Variants in MAGEB1 observed in about 807,000 individuals in gnomAD.
MAGEB1 encodes the protein melanoma-associated antigen B1.
For synonymous variants in MAGEB1, 99 were observed against 105.7 expected (o/e 0.94, Z 0.39); for missense variants, 290 against 286.7 (o/e 1.01, Z -0.08).
Position 30,251,240 on chromosome X carries a change from G to C in MAGEB1, c.747G>C (p.Leu249=). 1 of 1,212,144 alleles carries C rather than the reference G, an allele frequency of 8.2e-7. No individual in the cohort carries two copies. The highest frequency in any genetic ancestry group is 1.1e-6 in the Non-Finnish European group (1 of 895,578). ...CCCGTAAGTTCATCACCCAAGATCT[G>C]GTGCAGGAAAAATATCTGAAGTACG... ...GEPRKFITQD[L]VQEKYLKYEQ... Residue 249 remains leucine (L), a synonymous_variant, in exon 2 of 2, where the codon CTG becomes CTC. Transcript: ENST00000397548.
rs1254895035 is a variant in MAGEB1 at position 30,250,848 on chromosome X, A to G, written c.355A>G (p.Ile119Val). The change falls in exon 2 of 2, where the codon ATT (isoleucine) becomes GTT (valine). Residue 119 changes from isoleucine to valine, a missense_variant. Ile to Val is a conservative substitution (Grantham distance 29). Transcript: ENST00000397548. Reference protein sequence around the residue: ...AWEAGMLMHFILRKYKMREPI... With the variant: ...AWEAGMLMHFVLRKYKMREPI... ...GGAGGCAGGAATGCTGATGCACTTC[A>G]TTCTACGTAAGTATAAAATGAGAGA... is the stretch of plus-strand genomic sequence containing the variant. The G allele has an allele frequency of 8.3e-7, 1 of 1,211,930 alleles. No homozygotes were observed. Among genetic ancestry groups the G allele is most frequent in the South Asian group, 1.8e-5 (1 of 56,953 alleles).
chrX:30,246,134 C>T (rs1925297831), upstream of MAGEB1, among the ~76,000 whole-genome samples: 1 of 111,930 alleles, frequency 8.9e-6, no homozygotes, highest in East Asian at 2.8e-4. Context: ...AAGGGTTCAT[C>T]CAGACCCTCA....
In MAGEB1 at chrX:30,250,445, C is replaced by T; in HGVS notation, c.-49C>T. ...TCTCTCTCCTTCAGGTGCCACATCT[C>T]CTGCCTTTCTGCTCACTTTCCTGCC... On this transcript the variant is annotated 5_prime_UTR_variant, in exon 2 of 2. Transcript: ENST00000397548. 9.5e-7 allele frequency: 1 copy of T among 1,054,619 alleles called. No individual in the cohort carries two copies. Among genetic ancestry groups the T allele is most frequent in the South Asian group, 2.3e-5 (1 of 43,281 alleles). The allele number at this position is 1,054,619 out of a possible 1,213,427, so 86.9% of individuals were successfully genotyped here.
upstream of MAGEB1, among the ~76,000 whole-genome samples, chrX:30,244,948 T>C (rs1379753487): frequency 1.8e-5 from 2 of 112,376 alleles, no homozygotes; most frequent in Non-Finnish European, 3.8e-5. Flanking sequence ...GCCACTGGGC[T>C]AATACTCTGC....
upstream of MAGEB1, chrX:30,246,148 G>A (rs1925298085): frequency 8.9e-6 from 1 of 112,016 alleles, no homozygotes; most frequent in Non-Finnish European, 1.9e-5. Context: ...ACCCTCAGGA[G>A]AGTGACCTCA....
upstream of MAGEB1, among the ~76,000 whole-genome samples, chrX:30,244,637 A>AT (rs1925250814): frequency 8.9e-6 from 1 of 112,069 alleles, no homozygotes; most frequent in Middle Eastern, 4.2e-3. Context: ...ATAGGAGGTA[A>AT]TTTTATGTCC....
chrX:30,248,604 A>G (rs1179952953), intron 1 of MAGEB1, among the ~76,000 whole-genome samples: 2 of 111,602 alleles, frequency 1.8e-5, no homozygotes, highest in Non-Finnish European at 3.8e-5. Flanking sequence ...CCTCCAAGAA[A>G]GAGGTAACAC....
chrX:30,249,229 G>A (rs903785544), intron 1 of MAGEB1, among the ~76,000 whole-genome samples: 3 of 111,521 alleles, frequency 2.7e-5, no homozygotes, highest in Admixed American at 1.9e-4. Context: ...CATAGAGGAC[G>A]TGGTGACTGG....
chrX:30,251,719 C>T lies in MAGEB1; in HGVS notation c.*182C>T, dbSNP rs935708411. On this transcript the variant is annotated 3_prime_UTR_variant, in exon 2 of 2. Transcript: ENST00000397548. The stretch of plus-strand genomic sequence containing the variant: ...GTTTATTTAGAGTTGGGATCTATGT[C>T]TATGAGCGACATGGATCACACATTT... 2.4e-6 allele frequency: 1 copy of T among 420,231 alleles called. No homozygotes were observed. The highest frequency in any genetic ancestry group is 4.1e-6 in the Non-Finnish European group (1 of 242,889). 34.6% of individuals were successfully genotyped at this position (420,231 alleles called of 1,213,427 possible). A position where few individuals can be genotyped will look rare whatever the true frequency, so the allele number is the denominator to read the frequency against.
rs200927693 is a variant in MAGEB1, at chrX:30,251,551, T to C, written c.*14T>C. The C allele has an allele frequency of 5.9e-6, 7 of 1,178,912 alleles. No homozygotes were observed. Among genetic ancestry groups the C allele is most frequent in the Non-Finnish European group, 8.0e-6 (7 of 877,191 alleles). The stretch of plus-strand genomic sequence containing the variant: ...CACCCCATGTGAGAACTCAGGCAGA[T>C]TGTTCACTTTGTTTTTGTGGCAAGA... On this transcript the variant is annotated 3_prime_UTR_variant, in exon 2 of 2. Transcript: ENST00000397548.
At chrX:30,246,174 G>A (rs1293509670), upstream of MAGEB1, 2 of 112,011 alleles carry the variant, frequency 1.8e-5, no homozygotes, top group Non-Finnish European at 3.8e-5. Flanking sequence ...GTAGATAGAG[G>A]AGTCCCAGGT....
upstream of MAGEB1, chrX:30,244,248 A>G (rs1230620841): frequency 3.2e-5 from 4 of 123,189 alleles, no homozygotes; most frequent in Non-Finnish European, 7.5e-5. Context: ...GTAAAACTGA[A>G]GTATATGTAC....
upstream of MAGEB1, among the ~76,000 whole-genome samples, chrX:30,244,522 G>T (rs1312425417): frequency 1.8e-5 from 2 of 112,022 alleles, no homozygotes. Context: ...CTAAAGACAG[G>T]TGAAAAGGGG....
In MAGEB1 at chrX:30,251,415, T is replaced by C. The variant is rs1222971363; in HGVS notation, c.922T>C (p.Leu308=). 2.0e-5 allele frequency: 24 copies of C among 1,209,367 alleles called. No individual in the cohort carries two copies. Among genetic ancestry groups the C allele is most frequent in the Non-Finnish European group, 2.7e-5 (24 of 895,012 alleles). Residue 308 remains leucine (L), a synonymous_variant, in exon 2 of 2, where the codon TTG becomes CTG. Coordinates refer to ENST00000397548, the MANE Select transcript of MAGEB1 (RefSeq NM_177404.3). The stretch of plus-strand genomic sequence containing the variant: ...CTTCCCATCCCATTATGAAGAGGCT[T>C]TGAGAGATGAGGAAGAGAGAGCCCA... ...RDFPSHYEEA[L]RDEEERAQVR...
upstream of MAGEB1, among the ~76,000 whole-genome samples, chrX:30,244,420 A>G (rs546358922): frequency 7.8e-4 from 87 of 111,847 alleles, no homozygotes; most frequent in African/African-American, 2.8e-3. Flanking sequence ...AAAAACAAAC[A>G]AACAACAAAA....
At chrX:30,247,795 T>A (rs1445088743) in intron 1 of MAGEB1, among the ~76,000 whole-genome samples, 6 of 109,202 alleles carry the variant, frequency 5.5e-5, no homozygotes, top group African/African-American at 2.0e-4. Context: ...ATAGAAAAAA[T>A]TAGCCAGGCG....
At position 30,251,008 on chromosome X, in the gene MAGEB1, GC is replaced by G. The variant is rs2146987417; in HGVS notation, c.517del (p.His173ThrfsTer9). On this transcript the variant is annotated frameshift_variant, in exon 2 of 2. Coordinates refer to ENST00000397548, the MANE Select transcript of MAGEB1 (RefSeq NM_177404.3). LOFTEE classifies it low-confidence loss of function (END_TRUNC). ...GLDLKEDNPS[G>X]HTYTLVSKLN... Reference sequence around the variant, plus strand: ...GATTTGAAGGAAGACAACCCTAGTGGCCACACCTACACCCTCGTCAGTAAGC... The same window carrying G: ...GATTTGAAGGAAGACAACCCTAGTGGCACACCTACACCCTCGTCAGTAAGC... The G allele has an allele frequency of 8.3e-7, 1 of 1,211,552 alleles. No homozygotes were observed. Among genetic ancestry groups the G allele is most frequent in the Non-Finnish European group, 1.1e-6 (1 of 895,420 alleles).
chrX:30,247,927 G>A (rs867661193), intron 1 of MAGEB1, among the ~76,000 whole-genome samples: 2 of 80,996 alleles, frequency 2.5e-5, no homozygotes, highest in African/African-American at 9.2e-5. Flanking sequence ...CTGGGTGACA[G>A]AGCGAGACTC....
chrX:30,246,635 T>TA (rs1347762384), upstream of MAGEB1, among the ~76,000 whole-genome samples: 1 of 111,919 alleles, frequency 8.9e-6, no homozygotes, highest in African/African-American at 3.3e-5. Flanking sequence ...GTAGGGCTTT[T>TA]AAGTGTTAAG....
Sources: allele counts gnomAD v4.1 joint callset (sites outside exome capture counted in the v4.1 genomes callset), GRCh38; gene constraint gnomAD v4.1.1; transcripts MANE v1.5; gene names NCBI Gene and HGNC (gene_info 2026-07-23, HGNC 2026-07-21).